BRINP3: variants seen among roughly 807,000 people sequenced by gnomAD.
BRINP3 encodes BMP/retinoic acid inducible neural specific 3, also known as BMP/retinoic acid-inducible neural-specific protein 3.
BRINP3 carries 19 observed loss-of-function variants against 71.0 expected under a neutral mutation model. The ratio of observed to expected loss-of-function variants is 0.27; its 90% CI spans 0.19 to 0.39. BRINP3 has a LOEUF of 0.39. Ranked by LOEUF, BRINP3 falls within the 10% of genes least tolerant of loss-of-function variation. The pLI is 1.00. For missense variants in BRINP3, 959 were observed against 940.8 expected, an observed-to-expected ratio of 1.02 and a Z score of -0.25; for synonymous variants, 380 against 337.7, an observed-to-expected ratio of 1.13 and a Z score of -1.37.
chr1:190,307,581 G>A (rs1665205723), intron 2 of BRINP3, among the ~76,000 whole-genome samples: 1 of 151,684 alleles, frequency 6.6e-6, no homozygotes, highest in African/African-American at 2.4e-5. Context: ...AGAAAGCAAG[G>A]CCATATTTTC....
intron 2 of BRINP3, chr1:190,342,299 C>T (rs939961873): frequency 6.9e-6 from 1 of 145,328 alleles, no homozygotes; most frequent in Non-Finnish European, 1.5e-5. Flanking sequence ...AGCATATTCA[C>T]ATTTTCAAGC....
At chr1:190,266,274 C>T (rs952711079) in intron 3 of BRINP3, among the ~76,000 whole-genome samples, 1 of 152,096 alleles carries the variant, frequency 6.6e-6, no homozygotes, top group African/African-American at 2.4e-5. Context: ...CTCTTTCTTA[C>T]AATAATATCA....
intron 6 of BRINP3, among the ~76,000 whole-genome samples, chr1:190,191,791 T>C (rs1383965776): frequency 4.6e-5 from 7 of 152,266 alleles, no homozygotes; most frequent in Admixed American, 2.0e-4. Flanking sequence ...TCCTAAGGCA[T>C]AATTTGCATT....
intron 3 of BRINP3, among the ~76,000 whole-genome samples, chr1:190,273,398 G>A (rs1328735795): frequency 6.6e-6 from 1 of 151,486 alleles, no homozygotes; most frequent in African/African-American, 2.4e-5. Flanking sequence ...AACATTCTGA[G>A]TCTGTTAGGC....
At chr1:190,101,512 A>T (rs959715716) in intron 7 of BRINP3, among the ~76,000 whole-genome samples, 12 of 152,206 alleles carry the variant, frequency 7.9e-5, no homozygotes, top group Middle Eastern at 3.4e-3. Flanking sequence ...ATGCCATTTC[A>T]TTCTTTTTCT....
At chr1:190,397,762 T>G (rs1221149076) in intron 2 of BRINP3, among the ~76,000 whole-genome samples, 1 of 151,776 alleles carries the variant, frequency 6.6e-6, no homozygotes, top group East Asian at 1.9e-4. Context: ...AATTAAATAA[T>G]TTTAATTATT....
chr1:190,465,986 C>T (rs1479925167), intron 1 of BRINP3, among the ~76,000 whole-genome samples: 2 of 151,772 alleles, frequency 1.3e-5, no homozygotes, highest in Non-Finnish European at 2.9e-5. Context: ...CCTTTCCTGG[C>T]AGAATCTAAG....
At chr1:190,133,070 A>C (rs1254489158) in intron 7 of BRINP3, among the ~76,000 whole-genome samples, 1 of 152,072 alleles carries the variant, frequency 6.6e-6, no homozygotes, top group Non-Finnish European at 1.5e-5. Flanking sequence ...ACTTCATGAG[A>C]GATCCTGAGT....
intron 2 of BRINP3, among the ~76,000 whole-genome samples, chr1:190,412,487 G>T (rs1672749355): frequency 7.1e-6 from 1 of 140,418 alleles, no homozygotes; most frequent in Non-Finnish European, 1.5e-5. Flanking sequence ...TTTTGAGACG[G>T]AGTCTCGCTC....
In BRINP3 at chr1:190,299,559, A is replaced by G. The variant is rs1158208668; in HGVS notation, c.237-17809T>C. On this transcript the variant is annotated intron_variant, in intron 2 of 7. Transcript: ENST00000367462. ...TAACTCGTCATCTAGCATTAGGTAT[A>G]TCTCCCAATGCTATCCCACCCCCCT... 4.1e-5 allele frequency among the ~76,000 whole-genome samples: 6 copies of G among 147,522 alleles called. No individual in the cohort carries two copies. The East Asian group carries it at 1.0e-3, about 26-fold the overall frequency.
intron 6 of BRINP3, among the ~76,000 whole-genome samples, chr1:190,165,132 G>C (rs1339888358): frequency 2.6e-5 from 4 of 151,594 alleles, no homozygotes; most frequent in Admixed American, 6.6e-5. Context: ...AAAATAAAAA[G>C]AGAAATAGAA....
chr1:190,444,320 T>C lies in BRINP3; in HGVS notation c.236+10335A>G, dbSNP rs139202828. Among the ~76,000 whole-genome samples, 765 of 148,484 alleles carry C rather than the reference T, an allele frequency of 5.2e-3. 6 individuals are homozygous for C. The highest frequency in any genetic ancestry group is 0.018 in the African/African-American group (722 of 40,562). On this transcript the variant is annotated intron_variant, in intron 2 of 7. Coordinates refer to ENST00000367462, the MANE Select transcript of BRINP3 (RefSeq NM_199051.3). ...TTTAATGGGGTGTGTTTTATTTAAA[T>C]CCAATTTTCTTCTTTTGTGTACAAA...
intron 2 of BRINP3, among the ~76,000 whole-genome samples, chr1:190,372,544 T>A (rs1297740456): frequency 6.6e-6 from 1 of 152,152 alleles, no homozygotes; most frequent in Non-Finnish European, 1.5e-5. Flanking sequence ...AATAAGAAAG[T>A]GCCTCTGTAA....
At chr1:190,395,399 A>G (rs1671504509) in intron 2 of BRINP3, among the ~76,000 whole-genome samples, 2 of 151,708 alleles carry the variant, frequency 1.3e-5, no homozygotes, top group Admixed American at 6.6e-5. Context: ...TTTCTATTTA[A>G]CTGCACTTTG....
intron 4 of BRINP3, among the ~76,000 whole-genome samples, chr1:190,258,788 G>A (rs1479049948): frequency 2.0e-5 from 3 of 152,148 alleles, no homozygotes; most frequent in African/African-American, 7.2e-5. Context: ...GCCAAGCCTG[G>A]ATAGAGTTGG....
intron 1 of BRINP3, among the ~76,000 whole-genome samples, chr1:190,473,542 T>C (rs1331928849): frequency 1.4e-5 from 2 of 146,292 alleles, no homozygotes; most frequent in Admixed American, 6.8e-5. Flanking sequence ...ATTTTTCTCT[T>C]TTTTTTTTTT....
chr1:190,118,863 T>C (rs531630128), intron 7 of BRINP3, among the ~76,000 whole-genome samples: 1 of 152,322 alleles, frequency 6.6e-6, no homozygotes, highest in African/African-American at 2.4e-5. Flanking sequence ...AAATTATTCA[T>C]TCGTTTAGTA....
At chr1:190,380,474 T>A (rs930648926) in intron 2 of BRINP3, among the ~76,000 whole-genome samples, 1 of 152,162 alleles carries the variant, frequency 6.6e-6, no homozygotes, top group Non-Finnish European at 1.5e-5. Flanking sequence ...GAGATCTGTA[T>A]AGGAGAAACA....
intron 2 of BRINP3, among the ~76,000 whole-genome samples, chr1:190,328,545 C>T (rs1336438808): frequency 2.0e-5 from 3 of 151,820 alleles, no homozygotes; most frequent in Non-Finnish European, 2.9e-5. Flanking sequence ...TCATTACCAA[C>T]TGAAAAATGC....
Sources: gnomAD v4.1 joint callset for allele counts (sites outside exome capture counted in the v4.1 genomes callset) on GRCh38, gnomAD v4.1.1 for gene constraint, MANE v1.5 for transcripts, NCBI Gene and HGNC (gene_info 2026-07-23, HGNC 2026-07-21) for gene names.